Variants in SLC24A2 observed in about 807,000 individuals in gnomAD.
SLC24A2 encodes the protein sodium/potassium/calcium exchanger 2.
Under a neutral mutation model 62.0 loss-of-function variants are expected in SLC24A2, and 36 were observed. The observed-to-expected ratio is 0.58, with a 90% CI of 0.44 to 0.77. The LOEUF (loss-of-function observed/expected upper bound fraction) is 0.77, where lower values mean the gene tolerates loss of function less well. Among genes scored for constraint, SLC24A2 ranks in the 30% least tolerant of loss-of-function variants. The pLI, the probability that SLC24A2 is intolerant of heterozygous loss-of-function variation, is 0.00. For missense variants in SLC24A2, 846 were observed against 817.9 expected (o/e 1.03, Z -0.42); for synonymous variants, 358 against 294.0 (o/e 1.22, Z -2.23).
At chr9:19,687,228 C>G (rs925390866) in intron 2 of SLC24A2, among the ~76,000 whole-genome samples, 23 of 152,062 alleles carry the variant, frequency 1.5e-4, no homozygotes, top group African/African-American at 5.6e-4. Context: ...AAACCCATGA[C>G]ACACAATTTA....
chr9:19,715,182 A>G (rs1820823832), intron 2 of SLC24A2, among the ~76,000 whole-genome samples: 2 of 152,316 alleles, frequency 1.3e-5, no homozygotes, highest in South Asian at 2.1e-4. Context: ...AGAATTATAG[A>G]TACCTACAAA....
At chr9:19,837,831 G>T in the SLC24A2 span, among the ~76,000 whole-genome samples, 1 of 151,778 alleles carries the variant, frequency 6.6e-6, no homozygotes, top group Non-Finnish European at 1.5e-5. Context: ...GCTTCAAAGA[G>T]AATAAAATAC....
chr9:19,883,801 G>A, the SLC24A2 span, among the ~76,000 whole-genome samples: 3,714 of 152,024 alleles, frequency 0.024, 50 homozygotes, highest in Non-Finnish European at 0.035. Context: ...TCCTGACCTC[G>A]TGATCCGCCC....
the SLC24A2 span, among the ~76,000 whole-genome samples, chr9:20,235,033 G>A: frequency 6.6e-6 from 1 of 152,244 alleles, no homozygotes; most frequent in South Asian, 2.1e-4. Context: ...AGTGGCTGCA[G>A]AACAGCAGAT....
intron 2 of SLC24A2, among the ~76,000 whole-genome samples, chr9:19,690,322 C>A (rs181403270): frequency 8.5e-5 from 13 of 152,088 alleles, no homozygotes; most frequent in African/African-American, 2.9e-4. Context: ...CTCGGCTTCA[C>A]GAGGATGCAT....
At chr9:20,125,717 G>GGT in the SLC24A2 span, among the ~76,000 whole-genome samples, 1 of 152,132 alleles carries the variant, frequency 6.6e-6, no homozygotes, top group Non-Finnish European at 1.5e-5. Flanking sequence ...TCTAGCCCAT[G>GGT]GTGGTGAGGG....
rs1818332094 is a variant in SLC24A2, at chr9:19,636,319, C to CCTTTCTT, written c.931-14021_931-14020insAAGAAAG. Among the ~76,000 whole-genome samples the CCTTTCTT allele has an allele frequency of 1.2e-4, 5 of 43,476 alleles. 1 individual carries two copies. Among genetic ancestry groups the CCTTTCTT allele is most frequent in the Non-Finnish European group, 2.3e-4 (5 of 22,014 alleles). 28.5% of individuals were successfully genotyped at this position (43,476 alleles called of 152,430 possible). On this transcript the variant is annotated intron_variant, in intron 2 of 10. Transcript: ENST00000341998. ...CTTTTCTTTTCTTTTCTTTTCTTTT[C>CCTTTCTT]TTTCTTTCTTTCTTTCTTTCTTTCT...
At chr9:20,147,446 T>G in the SLC24A2 span, among the ~76,000 whole-genome samples, 13,392 of 152,206 alleles carry the variant, frequency 0.088, 1,592 homozygotes, top group East Asian at 0.57. Flanking sequence ...TGGTTTTTCA[T>G]GTCAAGTCTT....
the SLC24A2 span, among the ~76,000 whole-genome samples, chr9:20,027,943 G>A: frequency 6.6e-6 from 1 of 152,064 alleles, no homozygotes; most frequent in Non-Finnish European, 1.5e-5. Context: ...GGCCAATTCA[G>A]TGATACAATA....
At chr9:19,566,255 A>C (rs992397473) in intron 7 of SLC24A2, among the ~76,000 whole-genome samples, 12 of 150,484 alleles carry the variant, frequency 8.0e-5, no homozygotes, top group African/African-American at 2.9e-4. Context: ...CAATGAACTC[A>C]AACAAATTTA....
At chr9:19,933,426 C>T in the SLC24A2 span, among the ~76,000 whole-genome samples, 1 of 152,212 alleles carries the variant, frequency 6.6e-6, no homozygotes, top group African/African-American at 2.4e-5. Context: ...AATGCTTTCA[C>T]ACTCAAAAGC....
intron 4 of SLC24A2, among the ~76,000 whole-genome samples, chr9:19,607,059 C>T (rs1837004144): frequency 6.7e-6 from 1 of 150,092 alleles, no homozygotes; most frequent in African/African-American, 2.5e-5. Context: ...TGAAGTGAGG[C>T]CCTGCTACTT....
At chr9:20,286,608 G>C in the SLC24A2 span, among the ~76,000 whole-genome samples, 1 of 152,210 alleles carries the variant, frequency 6.6e-6, no homozygotes, top group Non-Finnish European at 1.5e-5. Context: ...CATTTTAGCA[G>C]AATAGAACTG....
chr9:20,025,516 C>T, the SLC24A2 span, among the ~76,000 whole-genome samples: 8 of 152,096 alleles, frequency 5.3e-5, no homozygotes, highest in African/African-American at 1.7e-4. Context: ...ATTACCTGCT[C>T]CCTGGTAGTA....
intron 2 of SLC24A2, among the ~76,000 whole-genome samples, chr9:19,767,811 T>C (rs866044683): frequency 2.0e-5 from 3 of 152,332 alleles, no homozygotes; most frequent in Middle Eastern, 3.4e-3. Flanking sequence ...TCACTTGATC[T>C]CTGTTTTAGT....
At chr9:20,097,720 A>ATTTTT in the SLC24A2 span, among the ~76,000 whole-genome samples, 39 of 69,110 alleles carry the variant, frequency 5.6e-4, 2 homozygotes, top group African/African-American at 1.3e-3. Context: ...ATCTTAAATA[A>ATTTTT]TTTTTTTTTT....
At chr9:19,783,744 A>C (rs1823081695) in intron 2 of SLC24A2, among the ~76,000 whole-genome samples, 1 of 152,226 alleles carries the variant, frequency 6.6e-6, no homozygotes, top group South Asian at 2.1e-4. Context: ...ACACATCCTT[A>C]TGCACGTTCC....
At chr9:19,612,203 G>C (rs1010396373) in intron 4 of SLC24A2, among the ~76,000 whole-genome samples, 2 of 152,148 alleles carry the variant, frequency 1.3e-5, no homozygotes, top group African/African-American at 4.8e-5. Context: ...TTACTCTCTG[G>C]AGCAAGCAAG....
the SLC24A2 span, among the ~76,000 whole-genome samples, chr9:20,198,214 AG>A: frequency 6.6e-6 from 1 of 152,196 alleles, no homozygotes; most frequent in Non-Finnish European, 1.5e-5. Context: ...CACTCGGGAA[AG>A]GGGGAAAAAA....
Sources: allele counts gnomAD v4.1 joint callset (sites outside exome capture counted in the v4.1 genomes callset), GRCh38; gene constraint gnomAD v4.1.1; transcripts MANE v1.5; gene names NCBI Gene and HGNC (gene_info 2026-07-23, HGNC 2026-07-21).